The following CTNNA2 variants were observed in gnomAD, a reference collection of about 807,000 sequenced individuals.
CTNNA2 encodes catenin alpha-2.
Under a neutral mutation model 101.0 loss-of-function variants are expected in CTNNA2, and 42 were observed. The ratio of observed to expected loss-of-function variants is 0.42; its 90% CI spans 0.32 to 0.54. The LOEUF is 0.54. Among genes scored for constraint, CTNNA2 ranks in the 20% least tolerant of loss-of-function variants. The pLI, the probability that CTNNA2 is intolerant of heterozygous loss-of-function variation, is 0.14. For synonymous variants in CTNNA2, 450 were observed against 456.4 expected (o/e 0.99, Z 0.18); for missense variants, 871 against 1,223.1 (o/e 0.71, Z 4.29).
chr2:79,665,781 A>G (rs1234813527), intron 2 of CTNNA2, among the ~76,000 whole-genome samples: 1 of 152,220 alleles, frequency 6.6e-6, no homozygotes, highest in Admixed American at 6.5e-5. Flanking sequence ...AAAAGGAAAG[A>G]GTAGGAAACA....
At chr2:79,199,588 C>T (rs1231331912) in intron 2 of CTNNA2, among the ~76,000 whole-genome samples, 1 of 151,988 alleles carries the variant, frequency 6.6e-6, no homozygotes, top group East Asian at 1.9e-4. Context: ...CATTTTGTGG[C>T]GTTGGACTGA....
At chr2:80,321,122 C>T (rs2149245897) in intron 7 of CTNNA2, among the ~76,000 whole-genome samples, 1 of 152,042 alleles carries the variant, frequency 6.6e-6, no homozygotes, top group African/African-American at 2.4e-5. Context: ...TCTGACATGC[C>T]CACCTGTAAA....
intron 2 of CTNNA2, among the ~76,000 whole-genome samples, chr2:79,215,473 C>T (rs1674242818): frequency 6.6e-6 from 1 of 152,102 alleles, no homozygotes; most frequent in Admixed American, 6.5e-5. Context: ...TAATTAAGTC[C>T]TGTTGTGGGG....
chr2:79,702,547 T>C (rs1170025908), intron 2 of CTNNA2, among the ~76,000 whole-genome samples: 1 of 152,126 alleles, frequency 6.6e-6, no homozygotes, highest in Non-Finnish European at 1.5e-5. Flanking sequence ...CATTGAGAGA[T>C]TTTTATTTTG....
intron 3 of CTNNA2, among the ~76,000 whole-genome samples, chr2:79,799,214 C>T (rs575006771): frequency 1.1e-4 from 16 of 151,342 alleles, no homozygotes; most frequent in African/African-American, 3.9e-4. Flanking sequence ...CAGCCTCATT[C>T]CCCCTCTTCT....
chr2:80,573,380 C>T lies in CTNNA2; in HGVS notation c.1742-783C>T, dbSNP rs940531977. 5.3e-5 allele frequency: 8 copies of T among 152,262 alleles called. No homozygotes were observed. In the East Asian group the frequency reaches 7.7e-4, roughly 15 times the overall value. The allele number at this position is 152,262 out of a possible 1,614,324, so 9.4% of individuals were successfully genotyped here. On this transcript the variant is annotated intron_variant, in intron 12 of 18. Coordinates refer to ENST00000402739, the MANE Select transcript of CTNNA2 (RefSeq NM_001282597.3). ...TGTCAGCATTTTAGAAATTTATATA[C>T]GTATGCTCTTTCACATCCGGGTGGT...
chr2:79,290,048 A>G (rs374881487), intron 2 of CTNNA2, among the ~76,000 whole-genome samples: 1 of 152,206 alleles, frequency 6.6e-6, no homozygotes, highest in African/African-American at 2.4e-5. Context: ...TTAGGGGGCT[A>G]CATACTCAGG....
chr2:79,797,864 G>T lies in CTNNA2; in HGVS notation c.298+53282G>T, dbSNP rs115972678. ...CTTTAGGATTGCACTGTTCTCTGGGGTGGATTTTATTAAATGAATCATTTA... is the reference window on the plus strand; with the variant it reads ...CTTTAGGATTGCACTGTTCTCTGGGTTGGATTTTATTAAATGAATCATTTA... On this transcript the variant is annotated intron_variant, in intron 3 of 18. Coordinates refer to ENST00000402739, the MANE Select transcript of CTNNA2 (RefSeq NM_001282597.3). Among the ~76,000 whole-genome samples the T allele has an allele frequency of 6.3e-3, 960 of 151,930 alleles. 6 individuals are homozygous for T. The highest frequency in any genetic ancestry group is 0.02 in the Middle Eastern group (6 of 294).
intron 3 of CTNNA2, among the ~76,000 whole-genome samples, chr2:79,786,377 A>T (rs1321744033): frequency 6.6e-6 from 1 of 152,132 alleles, no homozygotes; most frequent in African/African-American, 2.4e-5. Context: ...CCCCAATTTT[A>T]TGCATGTACT....
intron 2 of CTNNA2, among the ~76,000 whole-genome samples, chr2:79,202,244 T>G (rs948578598): frequency 2.6e-5 from 4 of 152,350 alleles, no homozygotes; most frequent in Admixed American, 2.0e-4. Context: ...CTTCTTTAGC[T>G]TGGTGATTTT....
chr2:79,436,578 T>C (rs556529514), intron 4 of CTNNA2, among the ~76,000 whole-genome samples: 1 of 152,092 alleles, frequency 6.6e-6, no homozygotes, highest in African/African-American at 2.4e-5. Flanking sequence ...GAGGTTCTAA[T>C]GTGTAGTCAG....
chr2:80,329,252 A>G (rs1449485676), intron 7 of CTNNA2, among the ~76,000 whole-genome samples: 1 of 152,200 alleles, frequency 6.6e-6, no homozygotes, highest in Non-Finnish European at 1.5e-5. Context: ...GTTCATGGAA[A>G]AATATGCAAC....
At chr2:79,888,806 A>G (rs1264803085) in intron 6 of CTNNA2, among the ~76,000 whole-genome samples, 1 of 152,198 alleles carries the variant, frequency 6.6e-6, no homozygotes, top group Non-Finnish European at 1.5e-5. Context: ...AGTACCAAAT[A>G]TAATAATGAA....
At chr2:79,320,199 A>G (rs1275044385) in intron 3 of CTNNA2, among the ~76,000 whole-genome samples, 1 of 151,730 alleles carries the variant, frequency 6.6e-6, no homozygotes, top group Non-Finnish European at 1.5e-5. Flanking sequence ...CTTTTTGCCC[A>G]TCTCAAGCAT....
intron 7 of CTNNA2, among the ~76,000 whole-genome samples, chr2:80,112,423 T>G (rs536653503): frequency 1.2e-4 from 18 of 152,350 alleles, no homozygotes; most frequent in African/African-American, 4.1e-4. Context: ...ATTTACTGAT[T>G]GCTGTGATGG....
intron 7 of CTNNA2, among the ~76,000 whole-genome samples, chr2:79,989,211 A>G (rs1691987966): frequency 6.6e-6 from 1 of 152,208 alleles, no homozygotes; most frequent in Admixed American, 6.5e-5. Flanking sequence ...CAAAATACAA[A>G]CATTTCAAAG....
intron 12 of CTNNA2, among the ~76,000 whole-genome samples, chr2:80,572,084 G>A (rs1694649698): frequency 6.6e-6 from 1 of 152,094 alleles, no homozygotes; most frequent in Admixed American, 6.6e-5. Flanking sequence ...TTTTGTCAAA[G>A]CACTTGCCGA....
At chr2:79,694,585 G>C (rs13027289) in intron 2 of CTNNA2, among the ~76,000 whole-genome samples, 21,928 of 151,448 alleles carry the variant, frequency 0.14, 1,706 homozygotes, top group South Asian at 0.21. Flanking sequence ...TTTGAATAGA[G>C]GATGTCAGGG....
intron 9 of CTNNA2, among the ~76,000 whole-genome samples, chr2:80,477,727 A>ATGTGTGTGTGTGTG (rs35938297): frequency 6.9e-6 from 1 of 143,912 alleles, no homozygotes; most frequent in African/African-American, 2.5e-5. Flanking sequence ...CATGGTGTGA[A>ATGTGTGTGTGTGTG]TGTGTGTGTG....
Sources: gnomAD v4.1 joint callset for allele counts (sites outside exome capture counted in the v4.1 genomes callset) on GRCh38, gnomAD v4.1.1 for gene constraint, MANE v1.5 for transcripts, NCBI Gene and HGNC (gene_info 2026-07-23, HGNC 2026-07-21) for gene names.